The following ZBTB8A variants were observed in gnomAD, a reference collection of about 807,000 sequenced individuals.
ZBTB8A encodes zinc finger and BTB domain-containing protein 8A.
ZBTB8A carries 19 observed loss-of-function variants against 37.8 expected under a neutral mutation model. The observed-to-expected ratio is 0.50, with a 90% confidence interval of 0.35 to 0.74. The LOEUF is 0.74. Among genes scored for constraint, ZBTB8A ranks in the 30% least tolerant of loss-of-function variants. ZBTB8A has a pLI of 0.01. For missense variants in ZBTB8A, 394 were observed against 537.8 expected, an observed-to-expected ratio of 0.73 and a Z score of 2.65; for synonymous variants, 181 against 185.2, an observed-to-expected ratio of 0.98 and a Z score of 0.19.
At chr1:32,570,810 A>G (rs991790962) in intron 2 of ZBTB8A, among the ~76,000 whole-genome samples, 8 of 151,856 alleles carry the variant, frequency 5.3e-5, no homozygotes, top group Admixed American at 2.0e-4. Context: ...GATTTTCTGT[A>G]TACATAATTG....
At position 32,590,312 on chromosome 1, in the gene ZBTB8A, C is replaced by A. The variant is rs550560324; in HGVS notation, c.-1-2619C>A. On this transcript the variant is annotated intron_variant, in intron 2 of 4. Transcript: ENST00000373510. The stretch of plus-strand genomic sequence containing the variant: ...GGTCTCCAGAATCTCACAAGGCAAA[C>A]CACTGGGCTTCAGTATCTCACCTAA... 2.0e-5 allele frequency among the ~76,000 whole-genome samples: 3 copies of A among 152,134 alleles called. No homozygotes were observed. The East Asian group carries it at 5.8e-4, about 29-fold the overall frequency.
intron 1 of ZBTB8A, among the ~76,000 whole-genome samples, chr1:32,546,658 T>A (rs7516064): frequency 7.9e-5 from 12 of 151,846 alleles, no homozygotes; most frequent in African/African-American, 2.4e-4. Flanking sequence ...AAAATATACT[T>A]CTGTGGAGTT....
intron 4 of ZBTB8A, 41 bp downstream of exon 4, chr1:32,595,264 T>C (rs1644521400): frequency 6.2e-7 from 1 of 1,600,876 alleles, no homozygotes; most frequent in African/African-American, 1.3e-5. Flanking sequence ...AATTCTTTTT[T>C]GGTTTTTGTT....
chr1:32,586,212 A>G (rs1364866544), intron 2 of ZBTB8A, among the ~76,000 whole-genome samples: 1 of 151,828 alleles, frequency 6.6e-6, no homozygotes, highest in Non-Finnish European at 1.5e-5. Context: ...CCAGCTACTC[A>G]GGATGCTGAG....
chr1:32,548,358 A>G (rs1644123791), intron 1 of ZBTB8A, among the ~76,000 whole-genome samples: 1 of 151,764 alleles, frequency 6.6e-6, no homozygotes, highest in African/African-American at 2.4e-5. Flanking sequence ...GTTTTGAGAC[A>G]GAGTCTCACT....
At chr1:32,563,633 T>G (rs564950908) in intron 2 of ZBTB8A, among the ~76,000 whole-genome samples, 9 of 152,006 alleles carry the variant, frequency 5.9e-5, no homozygotes, top group South Asian at 4.2e-4. Context: ...CAGCTAATTT[T>G]TGTGTGTGTG....
At chr1:32,541,656 C>G (rs1227359952) in intron 1 of ZBTB8A, among the ~76,000 whole-genome samples, 1 of 152,176 alleles carries the variant, frequency 6.6e-6, no homozygotes, top group East Asian at 1.9e-4. Flanking sequence ...GAGGGCTGCT[C>G]TTTGCTTCCA....
At chr1:32,582,434 G>A (rs1483188030) in intron 2 of ZBTB8A, among the ~76,000 whole-genome samples, 1 of 152,072 alleles carries the variant, frequency 6.6e-6, no homozygotes, top group African/African-American at 2.4e-5. Context: ...GATCACCTGA[G>A]GTCAGGAGTT....
At chr1:32,577,433 A>G (rs1278631331) in intron 2 of ZBTB8A, among the ~76,000 whole-genome samples, 5 of 148,892 alleles carry the variant, frequency 3.4e-5, no homozygotes, top group Non-Finnish European at 7.4e-5. Context: ...TACAGGCGTG[A>G]GCCACTGAGC....
chr1:32,558,560 G>A (rs1644221019), intron 2 of ZBTB8A, among the ~76,000 whole-genome samples: 1 of 152,058 alleles, frequency 6.6e-6, no homozygotes, highest in Non-Finnish European at 1.5e-5. Flanking sequence ...CATGTAGGGA[G>A]CTTTCAACAT....
intron 2 of ZBTB8A, among the ~76,000 whole-genome samples, chr1:32,585,033 T>C (rs1644436637): frequency 1.4e-5 from 2 of 142,188 alleles, no homozygotes; most frequent in South Asian, 2.2e-4. Flanking sequence ...ATTTCTTTTT[T>C]TTTTTTTTTT....
Position 32,573,763 on chromosome 1 carries a change from A to G in ZBTB8A, c.-1-19168A>G, listed in dbSNP as rs369767556. 3.4e-3 allele frequency among the ~76,000 whole-genome samples: 381 copies of G among 112,568 alleles called. 5 individuals carry two copies. In the East Asian group the frequency reaches 0.047, roughly 14 times the overall value. 73.8% of individuals were successfully genotyped at this position (112,568 alleles called of 152,430 possible). A position where few individuals can be genotyped will look rare whatever the true frequency, so the allele number is the denominator to read the frequency against. ...CTTTTTTTTTTTTTTTTTTTTTTTA[A>G]TATAAGAATTTAAAACTATACATTT... On this transcript the variant is annotated intron_variant, in intron 2 of 4. Transcript: ENST00000373510.
intron 1 of ZBTB8A, among the ~76,000 whole-genome samples, chr1:32,547,626 C>CAAAAAAAAAAAA (rs745418265): frequency 1.0e-5 from 1 of 98,968 alleles, no homozygotes; most frequent in Non-Finnish European, 2.0e-5. Flanking sequence ...GTCTGTATCT[C>CAAAAAAAAAAAA]AAAAAAAAAA....
intron 2 of ZBTB8A, among the ~76,000 whole-genome samples, chr1:32,565,310 G>A (rs921148684): frequency 1.3e-5 from 2 of 151,270 alleles, no homozygotes; most frequent in African/African-American, 4.9e-5. Context: ...TGGGCGACAG[G>A]GCAAGACCCT....
At chr1:32,598,223 ATTTTTT>A (rs762801492) in intron 4 of ZBTB8A, among the ~76,000 whole-genome samples, 124 of 86,004 alleles carry the variant, frequency 1.4e-3, no homozygotes, top group African/African-American at 5.8e-3. Context: ...GCTTTCTTGG[ATTTTTT>A]TTTTTTTTTT....
intron 2 of ZBTB8A, among the ~76,000 whole-genome samples, chr1:32,585,009 G>A (rs1177720270): frequency 2.7e-5 from 4 of 147,310 alleles, no homozygotes; most frequent in East Asian, 4.0e-4. Context: ...AATTATCTAC[G>A]AAGAATGTTT....
At chr1:32,554,186 C>G (rs757067014) in intron 2 of ZBTB8A, among the ~76,000 whole-genome samples, 9 of 109,224 alleles carry the variant, frequency 8.2e-5, no homozygotes, top group Non-Finnish European at 1.6e-4. Context: ...GGCAACAGAG[C>G]AAGACTGTCT....
At chr1:32,554,148 C>T (rs2148219360) in intron 2 of ZBTB8A, among the ~76,000 whole-genome samples, 1 of 135,186 alleles carries the variant, frequency 7.4e-6, no homozygotes, top group South Asian at 2.3e-4. Flanking sequence ...TGCAGTGAGC[C>T]AAGATCACAC....
At chr1:32,556,559 T>G (rs1644204120) in intron 2 of ZBTB8A, among the ~76,000 whole-genome samples, 1 of 151,538 alleles carries the variant, frequency 6.6e-6, no homozygotes, top group Non-Finnish European at 1.5e-5. Flanking sequence ...TCTGCCATCC[T>G]GGTCTCAAAC....
Sources: gnomAD v4.1 joint callset for allele counts (sites outside exome capture counted in the v4.1 genomes callset) on GRCh38, gnomAD v4.1.1 for gene constraint, MANE v1.5 for transcripts, NCBI Gene and HGNC (gene_info 2026-07-23, HGNC 2026-07-21) for gene names.